The following PKD1L1 variants were observed in gnomAD, a reference collection of about 807,000 sequenced individuals.
PKD1L1 encodes the protein polycystin 1 like 1, transient receptor potential channel interacting, also known as polycystin-1-like protein 1.
In PKD1L1, 236 loss-of-function variants were observed where a neutral mutation model predicts 323.4. The ratio of observed to expected loss-of-function variants is 0.73; its 90% CI spans 0.66 to 0.81. The LOEUF (loss-of-function observed/expected upper bound fraction) is 0.81, where lower values mean the gene tolerates loss of function less well. PKD1L1 is among the 40% of genes least tolerant of loss of function. The probability of loss-of-function intolerance (pLI) is 0.00; values close to 1 mark genes in which losing one functional copy is unlikely to be tolerated. For synonymous variants in PKD1L1, 1,344 were observed against 1,335.0 expected (o/e 1.01, Z -0.15); for missense variants, 3,320 against 3,508.0 (o/e 0.95, Z 1.35).
rs1048802607 is a variant in PKD1L1, at chr7:47,840,535, C to A, written c.5478G>T (p.Leu1826=). Residue 1826 remains leucine, a synonymous_variant, in exon 35 of 57, where the codon CTG becomes CTT. Coordinates refer to ENST00000289672, the MANE Select transcript of PKD1L1 (RefSeq NM_138295.5). The surrounding 1 kb of genome is among the most constrained non-coding windows in gnomAD (Gnocchi z 4.1). ...GACAGGAGAGCTCCTTGGTTTCTGACAGTCCATTGTCGCCACATAAAACAA... is the reference window on the plus strand; with the variant it reads ...GACAGGAGAGCTCCTTGGTTTCTGAAAGTCCATTGTCGCCACATAAAACAA... ...VYIVLCGDNG[L]SETKELSCPE... is the part of the protein sequence containing the mutation. 3.7e-6 allele frequency: 6 copies of A among 1,614,152 alleles called. No individual in the cohort carries two copies. Among genetic ancestry groups the A allele is most frequent in the Non-Finnish European group, 4.2e-6 (5 of 1,180,012 alleles).
Position 47,839,378 on chromosome 7 carries a change from C to A in PKD1L1, c.5769+68G>T. On this transcript the variant is annotated intron_variant, in intron 36 of 56. Transcript: ENST00000289672. This position sits in a 1 kb window ranked among gnomAD's most constrained non-coding sequence, Gnocchi z 4.3. ...AAAGACACAACTGTGGCAAGCGAAGCAGAGACAGGTGCCATGCTCTGCCGG... is the reference window on the plus strand; with the variant it reads ...AAAGACACAACTGTGGCAAGCGAAGAAGAGACAGGTGCCATGCTCTGCCGG... 2 of 1,331,660 alleles carry A rather than the reference C, an allele frequency of 1.5e-6. No homozygotes were observed. Among genetic ancestry groups the A allele is most frequent in the Non-Finnish European group, 1.0e-6 (1 of 958,324 alleles). 82.5% of individuals were successfully genotyped at this position (1,331,660 alleles called of 1,614,324 possible). A position where few individuals can be genotyped will look rare whatever the true frequency, so the allele number is the denominator to read the frequency against.
intron 8 of PKD1L1, among the ~76,000 whole-genome samples, chr7:47,912,712 A>C (rs989038981): frequency 6.8e-6 from 1 of 146,102 alleles, no homozygotes; most frequent in African/African-American, 2.5e-5. Flanking sequence ...GCTACCTGGG[A>C]GGCTGAGGCA....
At chr7:47,849,601 T>C (rs1173642607) in intron 31 of PKD1L1, among the ~76,000 whole-genome samples, 1 of 151,584 alleles carries the variant, frequency 6.6e-6, no homozygotes, top group Non-Finnish European at 1.5e-5. Context: ...CACCACTAAG[T>C]AATAGGGAAA....
rs951525230 is a variant in PKD1L1 at position 47,931,181 on chromosome 7, C to A, written c.660G>T (p.Lys220Asn). 6.2e-7 allele frequency: 1 copy of A among 1,614,070 alleles called. No individual in the cohort carries two copies. The highest frequency in any genetic ancestry group is 1.3e-5 in the African/African-American group (1 of 74,924). Residue 220 changes from lysine to asparagine, a missense_variant, in exon 6 of 57, where the codon AAG (lysine) becomes AAT (asparagine). By Grantham distance (94) the Lys-to-Asn change is moderately conservative. Transcript: ENST00000289672. ...AGCTGGTCTGAGTGGGTCTGGCCAC[C>A]TTGGTGGGGGTCTCCATCGTGACAG... is the stretch of plus-strand genomic sequence containing the variant. ...PGTVTMETPT[K>N]VARPTQTSSQ... is the part of the protein sequence containing the mutation.
At position 47,794,176 on chromosome 7, in the gene PKD1L1, T is replaced by C. The variant is rs1446790558; in HGVS notation, c.8356-1379A>G. ...AGCCAGCTGCAGAAATTTGCATAAG[T>C]AGCAAGCAGCCTAATGTTAATCCCC... is the stretch of plus-strand genomic sequence containing the variant. On this transcript the variant is annotated intron_variant, in intron 55 of 56. Coordinates refer to ENST00000289672, the MANE Select transcript of PKD1L1 (RefSeq NM_138295.5). Among the ~76,000 whole-genome samples the C allele has an allele frequency of 1.3e-5, 2 of 152,188 alleles. 1 individual carries two copies. The highest frequency in any genetic ancestry group is 2.9e-5 in the Non-Finnish European group (2 of 68,038).
chr7:47,877,685 A>G, intron 21 of PKD1L1, 54 bp from the exon 22 acceptor site: 1 of 1,589,488 alleles, frequency 6.3e-7, no homozygotes, highest in Non-Finnish European at 8.6e-7. Context: ...TTACAGCAGC[A>G]TAGGAATAAG....
In PKD1L1 at chr7:47,882,076, G is replaced by T. The variant is rs760682074; in HGVS notation, c.3275C>A (p.Thr1092Asn). The T allele has an allele frequency of 1.2e-6, 2 of 1,613,254 alleles. No homozygotes were observed. The highest frequency in any genetic ancestry group is 1.7e-6 in the Non-Finnish European group (2 of 1,179,886). Residue 1092 changes from threonine (T) to asparagine (N), a missense_variant, in exon 20 of 57, where the codon ACC (threonine) becomes AAC (asparagine). Physicochemically the swap from Thr to Asn is moderately conservative, Grantham distance 65 (BLOSUM62 0). Coordinates refer to ENST00000289672, the MANE Select transcript of PKD1L1 (RefSeq NM_138295.5). ...PSGGRQPAKD[T>N]SFPGSGPSLS... is the part of the protein sequence containing the mutation. ...GCTAGGTCCTGATCCTGGAAAGCTGGTGTCCTTAGCTAGGAAGATAAACCA... is the reference window on the plus strand; with the variant it reads ...GCTAGGTCCTGATCCTGGAAAGCTGTTGTCCTTAGCTAGGAAGATAAACCA...
rs1273311379 is a variant in PKD1L1 at position 47,862,559 on chromosome 7, A to T, written c.4149+2657T>A. On this transcript the variant is annotated intron_variant, in intron 26 of 56. Transcript: ENST00000289672. The stretch of plus-strand genomic sequence containing the variant: ...AGTGGGGGAAGAGCAGCATTAAAGA[A>T]ATAAATGAGATAGTTGCTGTTGTGA... 2.6e-5 allele frequency among the ~76,000 whole-genome samples: 4 copies of T among 152,348 alleles called. No homozygotes were observed. In the South Asian group the frequency reaches 8.3e-4, roughly 32 times the overall value.
At chr7:47,917,154 T>C (rs554621650) in intron 7 of PKD1L1, among the ~76,000 whole-genome samples, 1 of 151,966 alleles carries the variant, frequency 6.6e-6, no homozygotes, top group African/African-American at 2.4e-5. Context: ...CAGGAAACAA[T>C]GGACACACTT....
At position 47,829,674 on chromosome 7, in the gene PKD1L1, G is replaced by T. The variant is rs530739238; in HGVS notation, c.6559-73C>A. ...TCATTCCACACAGAGCTGTCCTCCC[G>T]TCCCCTAATCATGAACAGGACTCCA... On this transcript the variant is annotated intron_variant, in intron 43 of 56. Transcript: ENST00000289672. 197 of 1,433,868 alleles carry T rather than the reference G, an allele frequency of 1.4e-4. No homozygotes were observed. The South Asian group carries it at 2.0e-3, about 15-fold the overall frequency. 88.8% of individuals were successfully genotyped at this position (1,433,868 alleles called of 1,614,324 possible).
At chr7:47,879,367 A>G (rs113588206) in intron 21 of PKD1L1, among the ~76,000 whole-genome samples, 54,586 of 151,672 alleles carry the variant, frequency 0.36, 11,094 homozygotes, top group African/African-American at 0.56. Context: ...GTGGCTTATG[A>G]CTGCAATCTC....
Position 47,808,363 on chromosome 7 carries a change from T to C in PKD1L1, c.7711A>G (p.Thr2571Ala), listed in dbSNP as rs757836507. ...LELSVVGVSL[T>A]YYAVSGHLVT... ...AGGTGGCCGGAAACTGCATAGTAGG[T>C]GAGGCTCACTCCAACCACGGAGAGC... The change falls in exon 52 of 57, where the codon ACC (threonine) becomes GCC (alanine). Residue 2571 changes from threonine to alanine, a missense_variant. Thr to Ala is a moderately conservative substitution (Grantham distance 58). Coordinates refer to ENST00000289672, the MANE Select transcript of PKD1L1 (RefSeq NM_138295.5). 81 of 1,613,810 alleles carry C rather than the reference T, an allele frequency of 5.0e-5. No individual in the cohort carries two copies. In the East Asian group the frequency reaches 1.6e-3, roughly 32 times the overall value.
In PKD1L1 at chr7:47,811,921, C is replaced by T; in HGVS notation, c.7477G>A (p.Val2493Met). The T allele has an allele frequency of 1.2e-6, 2 of 1,609,250 alleles. No homozygotes were observed. The highest frequency in any genetic ancestry group is 8.5e-7 in the Non-Finnish European group (1 of 1,178,024). Residue 2493 changes from valine to methionine, a missense_variant, in exon 50 of 57, where the codon GTG becomes ATG. Val to Met is a conservative substitution (Grantham distance 21). Coordinates refer to ENST00000289672, the MANE Select transcript of PKD1L1 (RefSeq NM_138295.5). ...AGACTCCCCGTAGGGAGGATCTCCA[C>T]TCTCAGGGACACGCTGGTGAAGAGT... ...TQLFTSVSLR[V>M]EILPTGSLVP...
intron 22 of PKD1L1, 97 bp downstream of exon 22, chr7:47,877,385 TGGGAAGG>T: frequency 1.4e-6 from 2 of 1,469,180 alleles, no homozygotes; most frequent in African/African-American, 2.8e-5. Flanking sequence ...CCTTCACAGG[TGGGAAGG>T]ACATTGCTGT....
At chr7:47,957,186 C>T in the PKD1L1 span, 2 of 184,298 alleles carry the variant, frequency 1.1e-5, no homozygotes, top group East Asian at 1.6e-4. Context: ...AGAAATGCTG[C>T]AAATTGCCAC....
intron 7 of PKD1L1, among the ~76,000 whole-genome samples, chr7:47,919,220 G>A (rs958845753): frequency 6.6e-6 from 1 of 151,984 alleles, no homozygotes; most frequent in Non-Finnish European, 1.5e-5. Context: ...AAATACCAAA[G>A]ATCATTCAAG....
At chr7:47,842,513 A>C (rs1583613413) in intron 34 of PKD1L1, among the ~76,000 whole-genome samples, 1 of 152,024 alleles carries the variant, frequency 6.6e-6, no homozygotes, top group African/African-American at 2.4e-5. Context: ...TCACCTCCAC[A>C]GCTCACCGCG....
chr7:47,899,846 C>T (rs1265589898), intron 13 of PKD1L1, among the ~76,000 whole-genome samples: 1 of 151,470 alleles, frequency 6.6e-6, no homozygotes, highest in African/African-American at 2.4e-5. Context: ...GTCCCAGCTA[C>T]TCTGGAGGCT....
intron 53 of PKD1L1, among the ~76,000 whole-genome samples, chr7:47,802,889 G>C (rs1178129619): frequency 6.6e-6 from 1 of 152,222 alleles, no homozygotes; most frequent in African/African-American, 2.4e-5. Context: ...ATCTATGAGA[G>C]GCCCAAAGTG....
Sources: gnomAD v4.1 joint callset for allele counts (sites outside exome capture counted in the v4.1 genomes callset) on GRCh38, gnomAD v4.1.1 for gene constraint, Gnocchi (gnomAD v3.1) non-coding constraint, MANE v1.5 for transcripts, NCBI Gene and HGNC (gene_info 2026-07-23, HGNC 2026-07-21) for gene names.